EPC1: variants seen among roughly 807,000 people sequenced by gnomAD.
EPC1 encodes enhancer of polycomb 1, also known as enhancer of polycomb homolog 1.
EPC1 carries 12 observed loss-of-function variants against 98.4 expected under a neutral mutation model. The observed-to-expected ratio is 0.12, with a 90% confidence interval of 0.08 to 0.20. EPC1 has a LOEUF of 0.20. Ranked by LOEUF, EPC1 falls within the 10% of genes least tolerant of loss-of-function variation. The pLI is 1.00. For synonymous variants in EPC1, 357 were observed against 363.9 expected (o/e 0.98, Z 0.21); for missense variants, 729 against 990.5 (o/e 0.74, Z 3.54).
chr10:32,345,450 AAG>A (rs1375597487), intron 1 of EPC1: 1 of 985,234 alleles, frequency 1.0e-6, no homozygotes, highest in East Asian at 1.1e-4. Flanking sequence ...TTACAGTACC[AAG>A]AGAAGTATTA....
At position 32,347,009 on chromosome 10, in the gene EPC1, C is replaced by G; in HGVS notation, c.-94G>C. On this transcript the variant is annotated 5_prime_UTR_variant, in exon 1 of 14. Transcript: ENST00000319778. ...GGGTTCGGTCCCCACTCGCCAACCG[C>G]TGCCGGGGACTTGAGGGGCGGAGCG... is the stretch of plus-strand genomic sequence containing the variant. The G allele has an allele frequency of 2.6e-6, 4 of 1,532,196 alleles. No homozygotes were observed. Among genetic ancestry groups the G allele is most frequent in the Non-Finnish European group, 2.6e-6 (3 of 1,146,542 alleles). The allele number at this position is 1,532,196 out of a possible 1,614,324, so 94.9% of individuals were successfully genotyped here.
At chr10:32,366,157 G>A (rs1198845776) in intron 1 of EPC1, among the ~76,000 whole-genome samples, 11 of 152,104 alleles carry the variant, frequency 7.2e-5, no homozygotes, top group African/African-American at 2.7e-4. Flanking sequence ...CAACGACCAC[G>A]AGTACTTTTA....
At chr10:32,374,028 T>C (rs902483336) in intron 1 of EPC1, among the ~76,000 whole-genome samples, 3 of 152,164 alleles carry the variant, frequency 2.0e-5, no homozygotes, top group African/African-American at 4.8e-5. Flanking sequence ...TTAACCCACA[T>C]AGAGATTCCT....
At chr10:32,292,776 C>T in intron 4 of EPC1, 132 bp from the exon 5 acceptor site, 8 of 923,388 alleles carry the variant, frequency 8.7e-6, no homozygotes, top group Non-Finnish European at 1.2e-5. Context: ...GCACAGATCA[C>T]CAGGAAATCA....
chr10:32,370,076 T>C (rs1243291556), intron 1 of EPC1, among the ~76,000 whole-genome samples: 4 of 152,234 alleles, frequency 2.6e-5, no homozygotes, highest in African/African-American at 9.6e-5. Flanking sequence ...TTTTTATATA[T>C]ATTTTAAAAA....
intron 1 of EPC1, among the ~76,000 whole-genome samples, chr10:32,312,724 A>G (rs1489708265): frequency 1.3e-5 from 2 of 152,224 alleles, no homozygotes; most frequent in Non-Finnish European, 2.9e-5. Context: ...ATGTGCATGT[A>G]CACATACATG....
chr10:32,335,783 C>A (rs1837922097), intron 1 of EPC1, among the ~76,000 whole-genome samples: 1 of 152,190 alleles, frequency 6.6e-6, no homozygotes, highest in Non-Finnish European at 1.5e-5. Flanking sequence ...TTTTCCTCTA[C>A]TCCATCTCAG....
chr10:32,371,610 C>G (rs1839751530), intron 1 of EPC1, among the ~76,000 whole-genome samples: 1 of 152,136 alleles, frequency 6.6e-6, no homozygotes, highest in South Asian at 2.1e-4. Context: ...TAAGGAGAAT[C>G]CTCCATGGCC....
chr10:32,357,839 C>G (rs1839321971), intron 1 of EPC1, among the ~76,000 whole-genome samples: 1 of 150,452 alleles, frequency 6.6e-6, no homozygotes, highest in South Asian at 2.1e-4. Context: ...TGTTTTGTGG[C>G]CTTCTCAATA....
chr10:32,289,708 CT>C (rs760423197), intron 6 of EPC1, among the ~76,000 whole-genome samples: 6 of 151,678 alleles, frequency 4.0e-5, no homozygotes, highest in Non-Finnish European at 8.8e-5. Flanking sequence ...ACTGCAAGCT[CT>C]GCCTCCCAGG....
intron 1 of EPC1, among the ~76,000 whole-genome samples, chr10:32,319,516 G>A (rs1836756483): frequency 6.6e-6 from 1 of 152,020 alleles, no homozygotes; most frequent in South Asian, 2.1e-4. Flanking sequence ...GATGTCATGG[G>A]GACACGATAT....
rs1250777563 is a variant in EPC1, at chr10:32,286,930, T to C, written c.1238A>G (p.Tyr413Cys). ...CAAAGACACTCTGAAACTTACAGCA[T>C]AGTACTGACAGCCTGCTTTCCTACG... ...AFRRKAGCQYYAPHLDQTGNW... is the reference protein window; with the variant it reads ...AFRRKAGCQYCAPHLDQTGNW... Residue 413 changes from tyrosine (Y) to cysteine (C), a missense_variant, in exon 8 of 14, where the codon TAT becomes TGT. Physicochemically the swap from Tyr to Cys is radical, Grantham distance 194. Around this residue, in one of 6 missense-constraint regions of EPC1, gnomAD observed 390 missense variants for 438.6 expected, o/e 0.89. Coordinates refer to ENST00000319778, the MANE Select transcript of EPC1 (RefSeq NM_001272004.3). 2.5e-6 allele frequency: 4 copies of C among 1,613,140 alleles called. No individual in the cohort carries two copies. The highest frequency in any genetic ancestry group is 2.5e-6 in the Non-Finnish European group (3 of 1,179,612).
intron 1 of EPC1, among the ~76,000 whole-genome samples, chr10:32,369,002 C>T (rs1839677568): frequency 6.6e-6 from 1 of 152,174 alleles, no homozygotes; most frequent in South Asian, 2.1e-4. Context: ...TCAGACAAAG[C>T]CGTGTACTTC....
At chr10:32,286,257 A>C (rs1217820288) in intron 9 of EPC1, 2 of 158,144 alleles carry the variant, frequency 1.3e-5, no homozygotes, top group African/African-American at 4.8e-5. Flanking sequence ...AAGAACAATT[A>C]GATCCTAACA....
chr10:32,302,649 C>CAA (rs59397703), intron 2 of EPC1, among the ~76,000 whole-genome samples: 13,151 of 117,168 alleles, frequency 0.11, 1,319 homozygotes, highest in East Asian at 0.2. Context: ...GACTCCATCT[C>CAA]AAAAAAAAAA....
chr10:32,324,404 G>C (rs1837134744), intron 1 of EPC1, among the ~76,000 whole-genome samples: 3 of 151,262 alleles, frequency 2.0e-5, no homozygotes, highest in Admixed American at 6.6e-5. Flanking sequence ...GGTGGCGGGT[G>C]CCTATAATCC....
intron 1 of EPC1, among the ~76,000 whole-genome samples, chr10:32,322,598 T>C (rs1836994571): frequency 6.7e-6 from 1 of 149,854 alleles, no homozygotes; most frequent in Non-Finnish European, 1.5e-5. Context: ...CACTTAGCTG[T>C]TGTTACACTT....
intron 10 of EPC1, among the ~76,000 whole-genome samples, chr10:32,278,896 G>A (rs895136534): frequency 2.0e-5 from 3 of 152,112 alleles, no homozygotes; most frequent in African/African-American, 7.2e-5. Flanking sequence ...TCATCTGGCC[G>A]TGAATGACTG....
rs56373530 is a variant in EPC1 at position 32,270,998 on chromosome 10, CTT to C, written c.2369+554_2369+555del. Among the ~76,000 whole-genome samples, 690 of 140,780 alleles carry C rather than the reference CTT, an allele frequency of 4.9e-3. 7 individuals carry two copies. Among genetic ancestry groups the C allele is most frequent in the Middle Eastern group, 0.022 (6 of 276 alleles). 92.4% of individuals were successfully genotyped at this position (140,780 alleles called of 152,430 possible). A position where few individuals can be genotyped will look rare whatever the true frequency, so the allele number is the denominator to read the frequency against. ...GGAAGAAAACTGAGAGCATTATACGCTTTTTTTTTTTTTTGAGACAGAGTTTA... is the reference window on the plus strand; with the variant it reads ...GGAAGAAAACTGAGAGCATTATACGCTTTTTTTTTTTTGAGACAGAGTTTA... On this transcript the variant is annotated intron_variant, in intron 13 of 13. Transcript: ENST00000319778.
Sources: allele counts gnomAD v4.1 joint callset (sites outside exome capture counted in the v4.1 genomes callset), GRCh38; gene constraint gnomAD v4.1.1; regional missense constraint gnomAD v4.1.1; transcripts MANE v1.5; gene names NCBI Gene and HGNC (gene_info 2026-07-23, HGNC 2026-07-21).